The following SEMA3E variants were observed in gnomAD, a reference collection of about 807,000 sequenced individuals.
The protein encoded by SEMA3E is semaphorin 3E.
A neutral mutation model predicts 93.6 loss-of-function variants in SEMA3E; 49 were observed. The ratio of observed to expected loss-of-function variants is 0.52; its 90% CI spans 0.42 to 0.66. The LOEUF (loss-of-function observed/expected upper bound fraction) is 0.66, where lower values mean the gene tolerates loss of function less well. Ranked by LOEUF, SEMA3E falls within the 30% of genes least tolerant of loss-of-function variation. The pLI, the probability that SEMA3E is intolerant of heterozygous loss-of-function variation, is 0.00. For missense variants in SEMA3E, 906 were observed against 964.8 expected, an observed-to-expected ratio of 0.94 and a Z score of 0.81; for synonymous variants, 363 against 330.7, an observed-to-expected ratio of 1.10 and a Z score of -1.06.
intron 4 of SEMA3E, among the ~76,000 whole-genome samples, chr7:83,462,997 T>C (rs1789661755): frequency 8.6e-6 from 1 of 116,406 alleles, no homozygotes; most frequent in Non-Finnish European, 1.9e-5. Flanking sequence ...CCCATCAAGC[T>C]TAGCAAATTA....
At chr7:83,399,164 G>A (rs957866227) in intron 11 of SEMA3E, among the ~76,000 whole-genome samples, 5 of 152,080 alleles carry the variant, frequency 3.3e-5, no homozygotes, top group African/African-American at 1.2e-4. Flanking sequence ...AACTACTGTA[G>A]CAATTATACT....
intron 5 of SEMA3E, among the ~76,000 whole-genome samples, chr7:83,410,238 T>G (rs879572910): frequency 2.0e-5 from 3 of 151,968 alleles, no homozygotes; most frequent in Admixed American, 6.6e-5. Context: ...AAAGTAAATG[T>G]GTCAGAGTGT....
chr7:83,599,665 A>T (rs1792942581), intron 1 of SEMA3E, among the ~76,000 whole-genome samples: 1 of 152,222 alleles, frequency 6.6e-6, no homozygotes, highest in Admixed American at 6.5e-5. Flanking sequence ...TCAGAAAACC[A>T]GTTAATACTA....
chr7:83,601,501 G>A lies in SEMA3E; in HGVS notation c.115+46927C>T, dbSNP rs373929003. On this transcript the variant is annotated intron_variant, in intron 1 of 16. Transcript: ENST00000643230. ...TTCTTTCTCTGAGCACTCTTCCTCC[G>A]TATGTGTTCTAAGTGAATCTGATAT... Among the ~76,000 whole-genome samples the A allele has an allele frequency of 7.9e-5, 12 of 151,712 alleles. No homozygotes were observed. In the East Asian group the frequency reaches 9.7e-4, roughly 12 times the overall value.
intron 1 of SEMA3E, among the ~76,000 whole-genome samples, chr7:83,532,323 C>G (rs1454858448): frequency 2.0e-5 from 3 of 152,162 alleles, no homozygotes; most frequent in Admixed American, 6.6e-5. Context: ...CTGTCCAGAA[C>G]TGAATATTCT....
intron 1 of SEMA3E, among the ~76,000 whole-genome samples, chr7:83,513,043 A>T (rs964474695): frequency 6.6e-6 from 1 of 152,210 alleles, no homozygotes; most frequent in African/African-American, 2.4e-5. Flanking sequence ...TATCACATCA[A>T]TTATAATATG....
chr7:83,377,659 A>C (rs1232149926), intron 16 of SEMA3E, among the ~76,000 whole-genome samples: 1 of 152,036 alleles, frequency 6.6e-6, no homozygotes, highest in Non-Finnish European at 1.5e-5. Flanking sequence ...CAGAACATTT[A>C]AAATGTGTAT....
chr7:83,480,253 C>T (rs868431054), intron 2 of SEMA3E, among the ~76,000 whole-genome samples: 42 of 152,178 alleles, frequency 2.8e-4, no homozygotes, highest in Middle Eastern at 3.4e-3. Context: ...CCAGCCTGGC[C>T]AACATGGTGA....
chr7:83,407,433 C>T (rs1788351830), intron 6 of SEMA3E, among the ~76,000 whole-genome samples, 194 bp from the exon 7 acceptor site: 1 of 152,038 alleles, frequency 6.6e-6, no homozygotes, highest in Non-Finnish European at 1.5e-5. Flanking sequence ...TGCATATTAA[C>T]AGCCCTTTTA....
At chr7:83,507,337 T>A (rs1007036325) in intron 1 of SEMA3E, among the ~76,000 whole-genome samples, 9 of 152,056 alleles carry the variant, frequency 5.9e-5, no homozygotes, top group African/African-American at 2.2e-4. Flanking sequence ...CCTCCCTGAC[T>A]GGCAGGTACC....
chr7:83,470,943 A>G (rs1399632387), intron 2 of SEMA3E, among the ~76,000 whole-genome samples: 1 of 151,660 alleles, frequency 6.6e-6, no homozygotes, highest in Non-Finnish European at 1.5e-5. Context: ...CCATATAAAA[A>G]TCCTTAGCAT....
chr7:83,512,165 C>A (rs1790839153), intron 1 of SEMA3E, among the ~76,000 whole-genome samples: 1 of 152,064 alleles, frequency 6.6e-6, no homozygotes, highest in Non-Finnish European at 1.5e-5. Flanking sequence ...AAAGGTAATC[C>A]AGGTGGCTGA....
intron 16 of SEMA3E, among the ~76,000 whole-genome samples, chr7:83,376,450 G>A (rs561610464): frequency 8.6e-5 from 13 of 151,848 alleles, no homozygotes; most frequent in South Asian, 2.1e-4. Context: ...TCTCCATAAC[G>A]CATTGAATTA....
At chr7:83,434,972 C>T (rs1201385812) in intron 4 of SEMA3E, among the ~76,000 whole-genome samples, 3 of 151,960 alleles carry the variant, frequency 2.0e-5, no homozygotes, top group African/African-American at 7.2e-5. Flanking sequence ...CTCGGCCTCC[C>T]AAAGTGCTGG....
At chr7:83,375,740 C>A (rs896361255) in intron 16 of SEMA3E, among the ~76,000 whole-genome samples, 2 of 151,912 alleles carry the variant, frequency 1.3e-5, no homozygotes, top group African/African-American at 4.8e-5. Flanking sequence ...TAACTGATAT[C>A]ATAGATCTAA....
intron 4 of SEMA3E, among the ~76,000 whole-genome samples, chr7:83,455,909 C>A (rs1420986060): frequency 6.6e-6 from 1 of 152,164 alleles, no homozygotes; most frequent in African/African-American, 2.4e-5. Flanking sequence ...CGGAATATGA[C>A]CCTGAGCTCC....
chr7:83,494,344 G>T (rs893184908), intron 1 of SEMA3E, among the ~76,000 whole-genome samples: 1 of 151,586 alleles, frequency 6.6e-6, no homozygotes, highest in Admixed American at 6.6e-5. Flanking sequence ...AGAACTAAGA[G>T]AAATTTCTTC....
intron 14 of SEMA3E, among the ~76,000 whole-genome samples, chr7:83,391,278 T>C (rs1004256834): frequency 5.3e-5 from 8 of 152,180 alleles, no homozygotes; most frequent in Admixed American, 2.0e-4. Flanking sequence ...AGCTCATTCA[T>C]AGTAAGTGCT....
In SEMA3E at chr7:83,425,563, A is replaced by G. The variant is rs376447523; in HGVS notation, c.457-7080T>C. On this transcript the variant is annotated intron_variant, in intron 4 of 16. Coordinates refer to ENST00000643230, the MANE Select transcript of SEMA3E (RefSeq NM_012431.3). ...GTTAAAAATCATTCATTGACTACCC[A>G]TAGCCTCCAGAATAAGTTATTAAGT... Among the ~76,000 whole-genome samples, 50 of 152,260 alleles carry G rather than the reference A, an allele frequency of 3.3e-4. 1 individual carries two copies. The highest frequency in any genetic ancestry group is 1.2e-3 in the African/African-American group (48 of 41,542).
Sources: gnomAD v4.1 joint callset for allele counts (sites outside exome capture counted in the v4.1 genomes callset) on GRCh38, gnomAD v4.1.1 for gene constraint, MANE v1.5 for transcripts, NCBI Gene and HGNC (gene_info 2026-07-23, HGNC 2026-07-21) for gene names.